The following GPR107 variants were observed in gnomAD, a reference collection of about 807,000 sequenced individuals.
The protein encoded by GPR107 is G protein-coupled receptor 107.
In GPR107, 31 loss-of-function variants were observed where a neutral mutation model predicts 75.5. The observed-to-expected ratio is 0.41, with a 90% confidence interval of 0.31 to 0.55. The LOEUF (loss-of-function observed/expected upper bound fraction) is 0.55. Among genes scored for constraint, GPR107 ranks in the 20% least tolerant of loss-of-function variants. GPR107 has a pLI of 0.26. For synonymous variants in GPR107, 267 were observed against 251.3 expected (o/e 1.06, Z -0.59); for missense variants, 572 against 665.7 (o/e 0.86, Z 1.55).
intron 1 of GPR107, among the ~76,000 whole-genome samples, chr9:130,065,981 C>CG (rs1351417106): frequency 5.9e-5 from 9 of 151,746 alleles, no homozygotes; most frequent in Middle Eastern, 3.4e-3. Context: ...TCACTCCCCC[C>CG]CAAAAGTATC....
At chr9:130,119,668 C>T (rs1366747450) in intron 14 of GPR107, among the ~76,000 whole-genome samples, 1 of 152,192 alleles carries the variant, frequency 6.6e-6, no homozygotes, top group East Asian at 1.9e-4. Context: ...CGAGTAAGCT[C>T]AGTCCCTGCC....
intron 9 of GPR107, among the ~76,000 whole-genome samples, chr9:130,093,853 A>G (rs544406467): frequency 4.8e-4 from 73 of 151,910 alleles, no homozygotes; most frequent in African/African-American, 1.7e-3. Flanking sequence ...TCTCTCCCCT[A>G]GCCCCCAGGC....
At chr9:130,081,665 C>CT (rs1830495660) in intron 5 of GPR107, among the ~76,000 whole-genome samples, 1 of 146,930 alleles carries the variant, frequency 6.8e-6, no homozygotes, top group Non-Finnish European at 1.5e-5. Context: ...GAGTGAGACT[C>CT]TGTCTCAAAA....
rs577822975 is a variant in GPR107 at position 130,112,082 on chromosome 9, C to T, written c.1306+4543C>T. Reference sequence around the variant, plus strand: ...TGTCATTACCTTATAGGACTGGCGTCGAGATACACACCGTAAATTTAATTA... The same window carrying T: ...TGTCATTACCTTATAGGACTGGCGTTGAGATACACACCGTAAATTTAATTA... On this transcript the variant is annotated intron_variant, in intron 14 of 17. Coordinates refer to ENST00000347136, the MANE Select transcript of GPR107 (RefSeq NM_020960.5). This position sits in a 1 kb window ranked among gnomAD's most constrained non-coding sequence, Gnocchi z 4.0. Among the ~76,000 whole-genome samples, 13 of 152,198 alleles carry T rather than the reference C, an allele frequency of 8.5e-5. No individual in the cohort carries two copies. The highest frequency in any genetic ancestry group is 1.9e-4 in the Non-Finnish European group (13 of 68,034).
chr9:130,075,784 C>CTTTTTTT, intron 2 of GPR107, 35 bp downstream of exon 2: 1 of 674,658 alleles, frequency 1.5e-6, no homozygotes, highest in Non-Finnish European at 2.4e-6. Flanking sequence ...GGGGTTTACT[C>CTTTTTTT]TTTTTTTTTT....
intron 3 of GPR107, 78 bp from the exon 4 acceptor site, chr9:130,077,221 T>C (rs545259500): frequency 9.9e-5 from 81 of 817,740 alleles, no homozygotes; most frequent in Admixed American, 8.7e-4. Flanking sequence ...GCCACGTATT[T>C]GCTATGTTCC....
chr9:130,092,235 A>G lies in GPR107; in HGVS notation c.730-13A>G, dbSNP rs1395056776. 1.9e-6 allele frequency: 3 copies of G among 1,605,002 alleles called. No individual in the cohort carries two copies. The Admixed American group carries it at 5.0e-5, about 27-fold the overall frequency. On this transcript the variant is annotated splice_polypyrimidine_tract_variant and intron_variant, in intron 8 of 17. Transcript: ENST00000347136. ...TTTCTGAAAAGTAAAAATTAATTTCATGCTGGTTTCAGATTGAGATCACAG... is the reference window on the plus strand; with the variant it reads ...TTTCTGAAAAGTAAAAATTAATTTCGTGCTGGTTTCAGATTGAGATCACAG...
rs1447589270 is a variant in GPR107, at chr9:130,123,540, T to C, written c.1307-1375T>C. Among the ~76,000 whole-genome samples, 16 of 150,258 alleles carry C rather than the reference T, an allele frequency of 1.1e-4. No homozygotes were observed. The South Asian group carries it at 3.4e-3, about 32-fold the overall frequency. ...TCTTTCTTTTCTTTTCTTTTTTTTT[T>C]TTTTTTTTTGTAGAAACGGGGTTCT... On this transcript the variant is annotated intron_variant, in intron 14 of 17. Transcript: ENST00000347136.
intron 17 of GPR107, chr9:130,133,171 A>G (rs1300683999): frequency 6.6e-6 from 1 of 152,196 alleles, no homozygotes; most frequent in Non-Finnish European, 1.5e-5. Context: ...CAATAAGACC[A>G]CTTCTTTTTC....
intron 10 of GPR107, among the ~76,000 whole-genome samples, chr9:130,100,325 G>A (rs1409511216): frequency 6.6e-6 from 1 of 152,196 alleles, no homozygotes; most frequent in Non-Finnish European, 1.5e-5. Flanking sequence ...TTGAGCCTCA[G>A]CTTTGTATAT....
chr9:130,054,761 T>C (rs1829703490), intron 1 of GPR107, among the ~76,000 whole-genome samples: 1 of 152,192 alleles, frequency 6.6e-6, no homozygotes, highest in Non-Finnish European at 1.5e-5. Flanking sequence ...AAACGCACCC[T>C]AAGGTGGTTC....
chr9:130,092,253 G>T lies in GPR107; in HGVS notation c.735G>T (p.Glu245Asp). Residue 245 changes from glutamate to aspartate, a missense_variant, in exon 9 of 18, where the codon GAG becomes GAT. By Grantham distance (45) the Glu-to-Asp change is conservative (BLOSUM62 2). Coordinates refer to ENST00000347136, the MANE Select transcript of GPR107 (RefSeq NM_020960.5). Reference protein sequence around the residue: ...SDKFTFSLDIEITEKNPDSYL... With the variant: ...SDKFTFSLDIDITEKNPDSYL... ...TAATTTCATGCTGGTTTCAGATTGA[G>T]ATCACAGAGAAGAATCCTGACAGCT... The T allele has an allele frequency of 6.2e-7, 1 of 1,610,856 alleles. No individual in the cohort carries two copies. Among genetic ancestry groups the T allele is most frequent in the Non-Finnish European group, 8.5e-7 (1 of 1,177,064 alleles).
intron 1 of GPR107, among the ~76,000 whole-genome samples, chr9:130,070,981 AGT>A (rs941855745): frequency 7.4e-5 from 11 of 148,836 alleles, no homozygotes; most frequent in African/African-American, 9.9e-5. Context: ...AGCCTCCCAA[AGT>A]GTTGGGATTA....
At chr9:130,064,943 C>G (rs1034278420) in intron 1 of GPR107, among the ~76,000 whole-genome samples, 4 of 152,110 alleles carry the variant, frequency 2.6e-5, no homozygotes, top group Non-Finnish European at 4.4e-5. Context: ...TGTGGCCCTG[C>G]TGACGCCTTG....
chr9:130,101,712 G>C (rs1589513399), intron 12 of GPR107, among the ~76,000 whole-genome samples: 1 of 152,228 alleles, frequency 6.6e-6, no homozygotes, highest in Non-Finnish European at 1.5e-5. Flanking sequence ...GCCTTACAAG[G>C]CTGTGAGTCT....
At chr9:130,096,495 G>A (rs1031882265) in intron 9 of GPR107, among the ~76,000 whole-genome samples, 1 of 115,358 alleles carries the variant, frequency 8.7e-6, no homozygotes, top group Non-Finnish European at 1.7e-5. Context: ...TTGAGACCTC[G>A]TCTCACTCTG....
chr9:130,069,984 CTTTTTTT>C lies in GPR107; in HGVS notation c.142-5631_142-5625del, dbSNP rs1045979986. On this transcript the variant is annotated intron_variant, in intron 1 of 17. Coordinates refer to ENST00000347136, the MANE Select transcript of GPR107 (RefSeq NM_020960.5). ...AGGCATAAGCCACCGTGCCTGGCCT[CTTTTTTT>C]TTTTTTTTTTTTTTTTTTTTAAATT... Among the ~76,000 whole-genome samples, 45 of 45,426 alleles carry C rather than the reference CTTTTTTT, an allele frequency of 9.9e-4. 2 individuals are homozygous for C. Among genetic ancestry groups the C allele is most frequent in the African/African-American group, 3.8e-3 (44 of 11,632 alleles). The allele number at this position is 45,426 out of a possible 152,430, so 29.8% of individuals were successfully genotyped here. A position where few individuals can be genotyped will look rare whatever the true frequency, so the allele number is the denominator to read the frequency against.
intron 14 of GPR107, among the ~76,000 whole-genome samples, chr9:130,113,138 A>G (rs1831344350): frequency 6.6e-6 from 1 of 152,206 alleles, no homozygotes; most frequent in Non-Finnish European, 1.5e-5. Context: ...CAAAGTGAAC[A>G]TATTACTTCA....
chr9:130,101,755 G>A (rs866768108), intron 12 of GPR107, among the ~76,000 whole-genome samples: 1 of 152,212 alleles, frequency 6.6e-6, no homozygotes, highest in South Asian at 2.1e-4. Flanking sequence ...ACTGGAAGCA[G>A]AACTTGGATG....
Sources: allele counts gnomAD v4.1 joint callset (sites outside exome capture counted in the v4.1 genomes callset), GRCh38; gene constraint gnomAD v4.1.1; non-coding constraint Gnocchi (gnomAD v3.1); transcripts MANE v1.5; gene names NCBI Gene and HGNC (gene_info 2026-07-23, HGNC 2026-07-21).